AFF3: variants seen among roughly 807,000 people sequenced by gnomAD.
AFF3 encodes the protein ALF transcription elongation factor 3.
AFF3 carries 32 observed loss-of-function variants against 129.7 expected under a neutral mutation model. That is an observed-to-expected ratio of 0.25 (90% CI 0.19 to 0.33). The LOEUF is 0.33. Ranked by LOEUF, AFF3 falls within the 10% of genes least tolerant of loss-of-function variation. The probability of loss-of-function intolerance (pLI) is 1.00; values close to 1 mark genes in which losing one functional copy is unlikely to be tolerated. For synonymous variants in AFF3, 644 were observed against 635.4 expected, an observed-to-expected ratio of 1.01 and a Z score of -0.20; for missense variants, 1,373 against 1,592.0, an observed-to-expected ratio of 0.86 and a Z score of 2.34.
chr2:99,939,366 C>CT (rs975136073), intron 7 of AFF3, among the ~76,000 whole-genome samples: 1 of 152,166 alleles, frequency 6.6e-6, no homozygotes, highest in Non-Finnish European at 1.5e-5. Context: ...TTTAACCTTC[C>CT]TGATGACACC....
At chr2:100,038,304 C>A (rs146138323) in intron 4 of AFF3, among the ~76,000 whole-genome samples, 1 of 151,980 alleles carries the variant, frequency 6.6e-6, no homozygotes, top group Non-Finnish European at 1.5e-5. Flanking sequence ...CCACCTGGAC[C>A]CCAACCCCAT....
At position 99,713,164 on chromosome 2, in the gene AFF3, G is replaced by A. The variant is rs1013943187; in HGVS notation, c.1091+13913C>T. Among the ~76,000 whole-genome samples the A allele has an allele frequency of 5.3e-5, 8 of 152,146 alleles. No homozygotes were observed. In the East Asian group the frequency reaches 7.7e-4, roughly 15 times the overall value. ...AGAGTTCTAAGGAGAGGGTGGTGAC[G>A]GCCGCTCAACATGTAAATGTATTAA... On this transcript the variant is annotated intron_variant, in intron 11 of 24. Transcript: ENST00000672756.
chr2:99,959,533 T>C (rs953674357), intron 7 of AFF3, among the ~76,000 whole-genome samples: 2 of 151,414 alleles, frequency 1.3e-5, no homozygotes, highest in East Asian at 1.9e-4. Flanking sequence ...TTTATCACAT[T>C]AATATAATGT....
In AFF3 at chr2:99,551,383, T is replaced by C. The variant is rs537361402; in HGVS notation, c.*91A>G. On this transcript the variant is annotated 3_prime_UTR_variant, in exon 25 of 25. Coordinates refer to ENST00000672756, the MANE Select transcript of AFF3 (RefSeq NM_001386135.1). ...GAAATGTTCACCGCAGTCTGATAAA[T>C]GCTGTGGCTGGGAGTTTCAGTAGCA... 125 of 1,524,296 alleles carry C rather than the reference T, an allele frequency of 8.2e-5. No homozygotes were observed. Among genetic ancestry groups the C allele is most frequent in the Non-Finnish European group, 1.1e-4 (119 of 1,116,344 alleles). 94.4% of individuals were successfully genotyped at this position (1,524,296 alleles called of 1,614,324 possible). A position where few individuals can be genotyped will look rare whatever the true frequency, so the allele number is the denominator to read the frequency against.
chr2:99,563,219 C>T (rs1223778539), intron 20 of AFF3, among the ~76,000 whole-genome samples: 1 of 151,280 alleles, frequency 6.6e-6, no homozygotes, highest in African/African-American at 2.4e-5. Context: ...GAGACAGAGT[C>T]TCGCTCTGTC....
At chr2:99,604,941 CT>C (rs765125597) in intron 13 of AFF3, among the ~76,000 whole-genome samples, 1 of 152,232 alleles carries the variant, frequency 6.6e-6, no homozygotes, top group Non-Finnish European at 1.5e-5. Context: ...GTTCTGTGTG[CT>C]CTGGGCTTTG....
chr2:99,800,232 A>G (rs182535935), intron 8 of AFF3, among the ~76,000 whole-genome samples: 1 of 152,232 alleles, frequency 6.6e-6, no homozygotes, highest in Admixed American at 6.5e-5. Context: ...CAACAATGAG[A>G]ACAAAACAAC....
At chr2:99,679,673 G>T (rs1674344142) in intron 11 of AFF3, among the ~76,000 whole-genome samples, 1 of 152,168 alleles carries the variant, frequency 6.6e-6, no homozygotes, top group Non-Finnish European at 1.5e-5. Context: ...ACAGAGTCTG[G>T]GGTGGTGAAA....
chr2:99,785,708 G>A (rs1357520890), intron 8 of AFF3, among the ~76,000 whole-genome samples: 3 of 152,096 alleles, frequency 2.0e-5, no homozygotes, highest in African/African-American at 7.2e-5. Context: ...ATACACTCAA[G>A]AAATTCTGAG....
intron 18 of AFF3, among the ~76,000 whole-genome samples, chr2:99,572,813 G>A (rs552472458): frequency 6.6e-6 from 1 of 152,224 alleles, no homozygotes; most frequent in African/African-American, 2.4e-5. Context: ...AGCCACTCCA[G>A]GATGCTGGCA....
chr2:99,808,099 T>C (rs575295450), intron 8 of AFF3, among the ~76,000 whole-genome samples: 2 of 152,280 alleles, frequency 1.3e-5, no homozygotes, highest in Admixed American at 1.3e-4. Flanking sequence ...TCTGGGAACC[T>C]TAGAAGAGTG....
intron 8 of AFF3, among the ~76,000 whole-genome samples, chr2:99,753,743 C>G (rs1681864217): frequency 6.6e-6 from 1 of 152,218 alleles, no homozygotes; most frequent in Non-Finnish European, 1.5e-5. Flanking sequence ...ACACGTGACA[C>G]AGACAGTAGG....
At chr2:99,988,138 T>C (rs1011797653) in intron 7 of AFF3, among the ~76,000 whole-genome samples, 1 of 151,994 alleles carries the variant, frequency 6.6e-6, no homozygotes, top group African/African-American at 2.4e-5. Context: ...TGAAGGATGA[T>C]AGATAGATGG....
chr2:100,086,235 A>AT (rs1381934557), intron 4 of AFF3, among the ~76,000 whole-genome samples: 2 of 152,244 alleles, frequency 1.3e-5, no homozygotes, highest in African/African-American at 4.8e-5. Context: ...AAGAATTCCC[A>AT]TATCTGGCTG....
intron 13 of AFF3, among the ~76,000 whole-genome samples, chr2:99,638,115 C>A (rs965819164): frequency 6.6e-6 from 1 of 151,660 alleles, no homozygotes; most frequent in Admixed American, 6.6e-5. Context: ...GCTCTGTTGC[C>A]TAGGCTGTAG....
At chr2:99,907,700 A>G (rs1307016736) in intron 7 of AFF3, among the ~76,000 whole-genome samples, 3 of 152,054 alleles carry the variant, frequency 2.0e-5, no homozygotes, top group African/African-American at 7.2e-5. Context: ...GTACAATGGC[A>G]CGATCCCAGC....
intron 21 of AFF3, 21 bp downstream of exon 21, chr2:99,560,344 T>C (rs762698623): frequency 6.2e-7 from 1 of 1,613,202 alleles, no homozygotes; most frequent in East Asian, 2.2e-5. Context: ...GCTGCTATTC[T>C]AAGCGGAGAT....
At chr2:100,013,793 A>G (rs1036953775) in intron 4 of AFF3, among the ~76,000 whole-genome samples, 4 of 152,248 alleles carry the variant, frequency 2.6e-5, no homozygotes, top group African/African-American at 7.2e-5. Context: ...CTCTTTCCAC[A>G]GCTCACACAC....
intron 4 of AFF3, among the ~76,000 whole-genome samples, chr2:100,083,875 G>C (rs1283837613): frequency 2.0e-5 from 3 of 152,016 alleles, no homozygotes; most frequent in Non-Finnish European, 4.4e-5. Flanking sequence ...CAGCTCCAGG[G>C]ACCAGCCACT....
Sources: allele counts gnomAD v4.1 joint callset (sites outside exome capture counted in the v4.1 genomes callset), GRCh38; gene constraint gnomAD v4.1.1; transcripts MANE v1.5; gene names NCBI Gene and HGNC (gene_info 2026-07-23, HGNC 2026-07-21).